The following SBF2 variants were observed in gnomAD, a reference collection of about 807,000 sequenced individuals.
SBF2 encodes SET binding factor 2.
A neutral mutation model predicts 225.2 loss-of-function variants in SBF2; 112 were observed. The ratio of observed to expected loss-of-function variants is 0.50; its 90% confidence interval spans 0.43 to 0.58. The LOEUF (loss-of-function observed/expected upper bound fraction) is 0.58. SBF2 is among the 20% of genes least tolerant of loss of function. SBF2 has a pLI of 0.00. For synonymous variants in SBF2, 763 were observed against 773.3 expected (o/e 0.99, Z 0.22); for missense variants, 1,996 against 2,206.2 (o/e 0.90, Z 1.91).
chr11:10,016,074 G>T (rs1342965573), intron 6 of SBF2, among the ~76,000 whole-genome samples: 1 of 151,880 alleles, frequency 6.6e-6, no homozygotes, highest in African/African-American at 2.4e-5. Context: ...ACCATGCCTG[G>T]CCCCCACCTT....
At chr11:10,082,121 G>A (rs1951391437) in intron 2 of SBF2, among the ~76,000 whole-genome samples, 1 of 152,028 alleles carries the variant, frequency 6.6e-6, no homozygotes, top group South Asian at 2.1e-4. Context: ...TCACAAACTA[G>A]AAAACCAAAA....
chr11:9,913,971 C>T (rs561148740), intron 16 of SBF2, among the ~76,000 whole-genome samples: 14 of 152,206 alleles, frequency 9.2e-5, no homozygotes, highest in Admixed American at 2.0e-4. Flanking sequence ...CAAAGTGCTG[C>T]GATTACAGGC....
intron 1 of SBF2, among the ~76,000 whole-genome samples, chr11:10,269,353 A>G (rs1449165553): frequency 1.3e-5 from 2 of 152,198 alleles, no homozygotes; most frequent in African/African-American, 4.8e-5. Flanking sequence ...GTTTGTTCCA[A>G]AAGAAAACAC....
intron 2 of SBF2, among the ~76,000 whole-genome samples, chr11:10,121,220 G>A (rs954280316): frequency 6.6e-6 from 1 of 152,186 alleles, no homozygotes; most frequent in African/African-American, 2.4e-5. Flanking sequence ...TCAGCACTCA[G>A]AAGATAATGC....
intron 1 of SBF2, among the ~76,000 whole-genome samples, chr11:10,241,413 T>C (rs912762663): frequency 9.2e-5 from 14 of 151,964 alleles, no homozygotes; most frequent in South Asian, 2.1e-4. Context: ...CCAAGGAACT[T>C]TGAAAATGGA....
At chr11:9,808,850 C>T (rs191652171) in intron 31 of SBF2, 51 bp downstream of exon 31, 2 of 1,332,966 alleles carry the variant, frequency 1.5e-6, no homozygotes, top group African/African-American at 2.9e-5. Flanking sequence ...TTAAAAATGA[C>T]CAAATGGAAA....
At chr11:9,967,562 G>A (rs1867004261) in intron 14 of SBF2, among the ~76,000 whole-genome samples, 1 of 152,124 alleles carries the variant, frequency 6.6e-6, no homozygotes, top group Non-Finnish European at 1.5e-5. Flanking sequence ...TGGGGAGAAG[G>A]TGGTTTGGGG....
intron 26 of SBF2, chr11:9,838,813 A>G (rs1427519234): frequency 2.0e-5 from 3 of 152,284 alleles, no homozygotes; most frequent in Non-Finnish European, 4.4e-5. Flanking sequence ...ATGTAATTTT[A>G]GAAAATATAT....
intron 28 of SBF2, chr11:9,828,148 T>G: frequency 7.8e-7 from 1 of 1,289,518 alleles, no homozygotes. Context: ...AGCTATTGGA[T>G]GGGTTTACAT....
chr11:10,066,342 A>G (rs1211585315), intron 2 of SBF2, among the ~76,000 whole-genome samples: 1 of 150,352 alleles, frequency 6.7e-6, no homozygotes, highest in African/African-American at 2.5e-5. Flanking sequence ...ATATATCTAT[A>G]TCTATATATA....
intron 2 of SBF2, among the ~76,000 whole-genome samples, chr11:10,057,616 C>T (rs1395008124): frequency 6.6e-6 from 1 of 152,170 alleles, no homozygotes; most frequent in Admixed American, 6.5e-5. Flanking sequence ...TTGGCCACAA[C>T]CACTACTAAG....
At chr11:9,801,795 A>G (rs1564866506) in intron 32 of SBF2, among the ~76,000 whole-genome samples, 1 of 152,246 alleles carries the variant, frequency 6.6e-6, no homozygotes, top group Non-Finnish European at 1.5e-5. Flanking sequence ...TATACCAACA[A>G]TCCATTAGCT....
In SBF2 at chr11:10,151,914, C is replaced by T. The variant is rs184252529; in HGVS notation, c.141+41988G>A. ...AACTATTACTGTCATCTTCACTAAACGTTCAGGAACACATACTTTTATAGC... is the reference window on the plus strand; with the variant it reads ...AACTATTACTGTCATCTTCACTAAATGTTCAGGAACACATACTTTTATAGC... On this transcript the variant is annotated intron_variant, in intron 2 of 39. Transcript: ENST00000256190. 8.3e-4 allele frequency among the ~76,000 whole-genome samples: 127 copies of T among 152,294 alleles called. 1 individual carries two copies. Among genetic ancestry groups the T allele is most frequent in the Non-Finnish European group, 2.6e-4 (18 of 68,030 alleles).
chr11:10,273,027 G>A (rs1044510269), intron 1 of SBF2, among the ~76,000 whole-genome samples: 4 of 147,880 alleles, frequency 2.7e-5, no homozygotes, highest in Non-Finnish European at 4.5e-5. Context: ...CCAAGATCGC[G>A]CCACTGCACT....
rs200932203 is a variant in SBF2 at position 10,275,622 on chromosome 11, T to TA, written c.55+18392dup. The stretch of plus-strand genomic sequence containing the variant: ...ACGGTTTAACATTCTTTCATTAATT[T>TA]AAAAAAAAAAAAAAAAGTATCCCAA... On this transcript the variant is annotated intron_variant, in intron 1 of 39. Coordinates refer to ENST00000256190, the MANE Select transcript of SBF2 (RefSeq NM_030962.4). Among the ~76,000 whole-genome samples, 479 of 137,790 alleles carry TA rather than the reference T, an allele frequency of 3.5e-3. 1 individual carries two copies. Among genetic ancestry groups the TA allele is most frequent in the East Asian group, 4.5e-3 (22 of 4,886 alleles). 90.4% of individuals were successfully genotyped at this position (137,790 alleles called of 152,430 possible).
At chr11:10,166,831 G>T (rs761008891) in intron 2 of SBF2, among the ~76,000 whole-genome samples, 1 of 151,882 alleles carries the variant, frequency 6.6e-6, no homozygotes, top group Non-Finnish European at 1.5e-5. Flanking sequence ...GTATAGTGGC[G>T]CATGCCTGTA....
At chr11:9,986,864 C>G (rs1947217787) in intron 13 of SBF2, among the ~76,000 whole-genome samples, 1 of 152,106 alleles carries the variant, frequency 6.6e-6, no homozygotes, top group Admixed American at 6.6e-5. Context: ...AACACCAGTA[C>G]CAATCCTTTT....
chr11:10,296,432 T>A (rs1368752119), upstream of SBF2, among the ~76,000 whole-genome samples: 2 of 151,994 alleles, frequency 1.3e-5, no homozygotes, highest in Non-Finnish European at 2.9e-5. Flanking sequence ...GAACTCTCCT[T>A]TATACCATCA....
intron 2 of SBF2, among the ~76,000 whole-genome samples, chr11:10,153,202 A>G (rs2135179163): frequency 6.6e-6 from 1 of 152,306 alleles, no homozygotes; most frequent in East Asian, 1.9e-4. Context: ...CTAGAGGAAG[A>G]CTGGATAAGA....
Sources: allele counts gnomAD v4.1 joint callset (sites outside exome capture counted in the v4.1 genomes callset), GRCh38; gene constraint gnomAD v4.1.1; transcripts MANE v1.5; gene names NCBI Gene and HGNC (gene_info 2026-07-23, HGNC 2026-07-21).